Variants in GDPD1 observed in about 807,000 individuals in gnomAD.
GDPD1 encodes glycerophosphodiester phosphodiesterase domain containing 1, also known as lysophospholipase D GDPD1.
Under a neutral mutation model 45.1 loss-of-function variants are expected in GDPD1, and 28 were observed. That is an observed-to-expected ratio of 0.62 (90% CI 0.46 to 0.85). GDPD1 has a LOEUF of 0.85. Ranked by LOEUF, GDPD1 falls within the 40% of genes least tolerant of loss-of-function variation. GDPD1 has a pLI of 0.00. For synonymous variants in GDPD1, 139 were observed against 131.4 expected, an observed-to-expected ratio of 1.06 and a Z score of -0.40; for missense variants, 256 against 364.8, an observed-to-expected ratio of 0.70 and a Z score of 2.43.
Position 59,220,554 on chromosome 17 carries a change from G to A in GDPD1, c.-56G>A. The A allele has an allele frequency of 6.4e-7, 1 of 1,572,604 alleles. No individual in the cohort carries two copies. The highest frequency in any genetic ancestry group is 1.1e-5 in the South Asian group (1 of 87,040). ...CGCCGCCGCCGCCGTCGTTGCTACTGCCGCAGCGGAGTTCAGAGGGCCCGG... is the reference window on the plus strand; with the variant it reads ...CGCCGCCGCCGCCGTCGTTGCTACTACCGCAGCGGAGTTCAGAGGGCCCGG... On this transcript the variant is annotated 5_prime_UTR_variant, in exon 1 of 10. Transcript: ENST00000284116.
intron 4 of GDPD1, among the ~76,000 whole-genome samples, chr17:59,256,200 C>T (rs1266610797): frequency 6.6e-6 from 1 of 151,830 alleles, no homozygotes; most frequent in Non-Finnish European, 1.5e-5. Flanking sequence ...TCCTGTAGTT[C>T]CAGCTACTCA....
intron 1 of GDPD1, among the ~76,000 whole-genome samples, chr17:59,231,322 T>C (rs1413036399): frequency 3.0e-5 from 4 of 134,718 alleles, no homozygotes; most frequent in African/African-American, 1.3e-4. Context: ...TTTTCTTTCT[T>C]TCTTTTTTTT....
chr17:59,253,226 C>T lies in GDPD1; in HGVS notation c.368-3896C>T, dbSNP rs115263038. On this transcript the variant is annotated intron_variant, in intron 4 of 9. Coordinates refer to ENST00000284116, the MANE Select transcript of GDPD1 (RefSeq NM_182569.4). ...ATGGCATACTCCTTGTCTATCTTTC[C>T]TATTTCCTGTTATTTTCCTCTTTTC... is the stretch of plus-strand genomic sequence containing the variant. 6.2e-3 allele frequency among the ~76,000 whole-genome samples: 950 copies of T among 152,208 alleles called. 6 individuals are homozygous for T. Among genetic ancestry groups the T allele is most frequent in the African/African-American group, 0.021 (872 of 41,538 alleles).
chr17:59,268,809 C>T (rs900943710), intron 7 of GDPD1, among the ~76,000 whole-genome samples: 2 of 151,696 alleles, frequency 1.3e-5, no homozygotes, highest in African/African-American at 2.4e-5. Flanking sequence ...TTTGGGAGGC[C>T]GAGGCAGGAG....
chr17:59,262,896 G>A lies in GDPD1; in HGVS notation c.577-4145G>A, dbSNP rs570519450. ...GCCCACCTCGGCCTCCCACAGTGCTGGGATTACAGGCATGAGCCACCGTGC... is the reference window on the plus strand; with the variant it reads ...GCCCACCTCGGCCTCCCACAGTGCTAGGATTACAGGCATGAGCCACCGTGC... On this transcript the variant is annotated intron_variant, in intron 6 of 9. Coordinates refer to ENST00000284116, the MANE Select transcript of GDPD1 (RefSeq NM_182569.4). 1.3e-4 allele frequency among the ~76,000 whole-genome samples: 20 copies of A among 152,226 alleles called. 1 individual carries two copies. In the South Asian group the frequency reaches 3.9e-3, roughly 30 times the overall value.
At chr17:59,271,274 G>A (rs1438371783) in intron 8 of GDPD1, among the ~76,000 whole-genome samples, 1 of 152,168 alleles carries the variant, frequency 6.6e-6, no homozygotes, top group Non-Finnish European at 1.5e-5. Flanking sequence ...TAGCTAGTTA[G>A]TAGCAGAACT....
intron 2 of GDPD1, among the ~76,000 whole-genome samples, chr17:59,239,879 C>T (rs2047162238): frequency 6.6e-6 from 1 of 151,642 alleles, no homozygotes; most frequent in South Asian, 2.1e-4. Flanking sequence ...GACTACAGGG[C>T]ATGCCTCCAT....
At chr17:59,229,985 C>T (rs2047076794) in intron 1 of GDPD1, among the ~76,000 whole-genome samples, 1 of 152,150 alleles carries the variant, frequency 6.6e-6, no homozygotes, top group Admixed American at 6.6e-5. Flanking sequence ...TGCTTGCTTG[C>T]TTATTCTCTG....
intron 8 of GDPD1, among the ~76,000 whole-genome samples, chr17:59,272,564 TAGAA>T (rs2047451989): frequency 6.6e-6 from 1 of 152,146 alleles, no homozygotes; most frequent in Admixed American, 6.6e-5. Context: ...CAGCAAGAAG[TAGAA>T]AGGAGGTTCT....
At chr17:59,257,059 C>T in intron 4 of GDPD1, 63 bp from the exon 5 acceptor site, 1 of 772,882 alleles carries the variant, frequency 1.3e-6, no homozygotes, top group Non-Finnish European at 2.1e-6. Flanking sequence ...ACAATACCTT[C>T]TCTAGTCATC....
chr17:59,248,885 T>C (rs1027765708), intron 4 of GDPD1, 100 bp downstream of exon 4: 3 of 822,658 alleles, frequency 3.6e-6, no homozygotes, highest in Non-Finnish European at 6.0e-6. Flanking sequence ...ACCTCTAAGT[T>C]TGTTCCCTCA....
intron 6 of GDPD1, among the ~76,000 whole-genome samples, chr17:59,263,534 A>G (rs1168596238): frequency 8.1e-6 from 1 of 123,652 alleles, no homozygotes; most frequent in East Asian, 2.4e-4. Flanking sequence ...GCTGGAGTGC[A>G]ATGGCGCAAT....
intron 2 of GDPD1, among the ~76,000 whole-genome samples, chr17:59,241,072 C>T (rs1424486579): frequency 2.6e-5 from 4 of 152,132 alleles, no homozygotes; most frequent in East Asian, 3.8e-4. Flanking sequence ...TTTGTAACCA[C>T]GGAACAATAG....
rs1392241660 is a variant in GDPD1 at position 59,274,885 on chromosome 17, A to T, written c.*1112A>T. On this transcript the variant is annotated 3_prime_UTR_variant, in exon 10 of 10. Coordinates refer to ENST00000284116, the MANE Select transcript of GDPD1 (RefSeq NM_182569.4). Reference sequence around the variant, plus strand: ...GACATGTAGTCTTGCTCTGTCGCCGAGGCCGGAGTGCAGTGGTGCGATCTT... The same window carrying T: ...GACATGTAGTCTTGCTCTGTCGCCGTGGCCGGAGTGCAGTGGTGCGATCTT... Among the ~76,000 whole-genome samples, 1 of 148,006 alleles carries T rather than the reference A, an allele frequency of 6.8e-6. No homozygotes were observed. The highest frequency in any genetic ancestry group is 2.5e-5 in the African/African-American group (1 of 39,948).
intron 8 of GDPD1, 29 bp downstream of exon 8, chr17:59,271,024 G>A: frequency 1.5e-6 from 2 of 1,323,962 alleles, no homozygotes; most frequent in Non-Finnish European, 2.2e-6. Context: ...TAATATGCAA[G>A]TTATTGCTTC....
intron 8 of GDPD1, among the ~76,000 whole-genome samples, chr17:59,271,821 G>C (rs1321780264): frequency 6.6e-6 from 1 of 151,732 alleles, no homozygotes; most frequent in Non-Finnish European, 1.5e-5. Context: ...TTTTAGTAGA[G>C]ATGAGGTTTC....
intron 2 of GDPD1, 22 bp from the exon 3 acceptor site, chr17:59,245,392 C>G: frequency 6.3e-7 from 1 of 1,597,586 alleles, no homozygotes; most frequent in Non-Finnish European, 8.5e-7. Flanking sequence ...TGTCAGATGT[C>G]ATTCTTCTTT....
chr17:59,267,004 T>C, intron 6 of GDPD1, 37 bp from the exon 7 acceptor site: 1 of 1,536,328 alleles, frequency 6.5e-7, no homozygotes, highest in Non-Finnish European at 9.0e-7. Flanking sequence ...TTTGAGCAGT[T>C]GTAAAAATAA....
intron 2 of GDPD1, among the ~76,000 whole-genome samples, chr17:59,239,032 A>C (rs2047156000): frequency 6.6e-6 from 1 of 152,222 alleles, no homozygotes; most frequent in African/African-American, 2.4e-5. Flanking sequence ...CTTAGGAAAT[A>C]CCCGTAGGAC....
Sources: gnomAD v4.1 joint callset for allele counts (sites outside exome capture counted in the v4.1 genomes callset) on GRCh38, gnomAD v4.1.1 for gene constraint, MANE v1.5 for transcripts, NCBI Gene and HGNC (gene_info 2026-07-23, HGNC 2026-07-21) for gene names.